Variants in CNTNAP5 observed in about 807,000 individuals in gnomAD.
CNTNAP5 encodes contactin-associated protein-like 5.
In CNTNAP5, 72 loss-of-function variants were observed where a neutral mutation model predicts 150.2. The observed-to-expected ratio is 0.48, with a 90% CI of 0.40 to 0.58. The LOEUF (loss-of-function observed/expected upper bound fraction) is 0.58, where lower values mean the gene tolerates loss of function less well. Ranked by LOEUF, CNTNAP5 falls within the 20% of genes least tolerant of loss-of-function variation. The pLI, the probability that CNTNAP5 is intolerant of heterozygous loss-of-function variation, is 0.00. For missense variants in CNTNAP5, 1,636 were observed against 1,626.2 expected (o/e 1.01, Z -0.10); for synonymous variants, 672 against 619.8 (o/e 1.08, Z -1.25).
intron 13 of CNTNAP5, among the ~76,000 whole-genome samples, chr2:124,689,923 G>C (rs1413807371): frequency 6.6e-6 from 1 of 151,982 alleles, no homozygotes; most frequent in East Asian, 1.9e-4. Flanking sequence ...AAAGGGAAAG[G>C]GGGTGTTCAG....
intron 5 of CNTNAP5, 110 bp downstream of exon 5, chr2:124,434,797 T>C: frequency 2.3e-6 from 2 of 861,242 alleles, no homozygotes; most frequent in Non-Finnish European, 3.6e-6. Context: ...TGGAGCACAA[T>C]ATAAGTGATA....
chr2:124,527,946 T>A (rs1360311543), intron 10 of CNTNAP5, among the ~76,000 whole-genome samples: 1 of 152,138 alleles, frequency 6.6e-6, no homozygotes, highest in Admixed American at 6.6e-5. Flanking sequence ...CCCCTACCAC[T>A]GCTTCTCTGG....
intron 1 of CNTNAP5, among the ~76,000 whole-genome samples, chr2:124,189,996 T>C (rs778442897): frequency 6.6e-6 from 1 of 152,178 alleles, no homozygotes; most frequent in Non-Finnish European, 1.5e-5. Flanking sequence ...TTTGCTTCTG[T>C]AAAATTGGAA....
chr2:124,227,678 G>GTGTGTGTA (rs1230347977), intron 2 of CNTNAP5, among the ~76,000 whole-genome samples: 1 of 147,706 alleles, frequency 6.8e-6, no homozygotes, highest in African/African-American at 2.5e-5. Flanking sequence ...GTGTGTGTGT[G>GTGTGTGTA]TATTAAACTT....
At chr2:124,190,158 T>G (rs1685426220) in intron 1 of CNTNAP5, among the ~76,000 whole-genome samples, 1 of 152,216 alleles carries the variant, frequency 6.6e-6, no homozygotes. Context: ...AAGGGTGAGC[T>G]TCATCTCTTT....
chr2:124,028,314 T>TTGTG (rs10678984), intron 1 of CNTNAP5, among the ~76,000 whole-genome samples: 15 of 150,730 alleles, frequency 1.0e-4, no homozygotes, highest in East Asian at 3.9e-4. Flanking sequence ...TGTGTGTGTT[T>TTGTG]TGTGTGTGTG....
At chr2:124,490,523 A>G (rs1227252734) in intron 7 of CNTNAP5, among the ~76,000 whole-genome samples, 1 of 152,124 alleles carries the variant, frequency 6.6e-6, no homozygotes, top group Admixed American at 6.6e-5. Flanking sequence ...AACAATAAAG[A>G]TCAGTATATA....
chr2:124,812,061 TAA>T (rs1167355451), intron 19 of CNTNAP5, among the ~76,000 whole-genome samples: 3,042 of 74,766 alleles, frequency 0.041, 26 homozygotes, highest in Non-Finnish European at 0.049. Flanking sequence ...ATATATTATA[TAA>T]TATATAATTT....
In CNTNAP5 at chr2:124,343,406, CT is replaced by C. The variant is rs1465729144; in HGVS notation, c.382-74032del. Among the ~76,000 whole-genome samples, 3 of 152,034 alleles carry C rather than the reference CT, an allele frequency of 2.0e-5. No individual in the cohort carries two copies. In the East Asian group the frequency reaches 5.8e-4, roughly 29 times the overall value. On this transcript the variant is annotated intron_variant, in intron 3 of 23. Transcript: ENST00000682447. ...TGGATAAGCCTCATTGGTTTAATAT[CT>C]TTTTAGGGGGAATTTTAGAGACTTT...
intron 13 of CNTNAP5, among the ~76,000 whole-genome samples, chr2:124,671,222 G>A (rs577901685): frequency 2.3e-4 from 35 of 152,298 alleles, no homozygotes; most frequent in Middle Eastern, 3.4e-3. Context: ...ATGGTGTTAA[G>A]CTAAGCATAG....
At chr2:124,178,860 T>A (rs765557035) in intron 1 of CNTNAP5, among the ~76,000 whole-genome samples, 31 of 152,182 alleles carry the variant, frequency 2.0e-4, no homozygotes, top group Non-Finnish European at 2.1e-4. Flanking sequence ...ACAGCAATAG[T>A]TTGAATATGA....
chr2:124,842,423 C>T (rs1682963642), intron 19 of CNTNAP5, among the ~76,000 whole-genome samples: 1 of 152,108 alleles, frequency 6.6e-6, no homozygotes, highest in South Asian at 2.1e-4. Context: ...AAAGAAACTC[C>T]TGATTTCATA....
intron 1 of CNTNAP5, among the ~76,000 whole-genome samples, chr2:124,200,947 A>T (rs1685713649): frequency 6.6e-6 from 1 of 152,032 alleles, no homozygotes; most frequent in Non-Finnish European, 1.5e-5. Flanking sequence ...TAAGACCCAT[A>T]TGTCCTCTGG....
chr2:124,454,557 A>G (rs1437086758), intron 6 of CNTNAP5, among the ~76,000 whole-genome samples: 1 of 152,156 alleles, frequency 6.6e-6, no homozygotes, highest in Non-Finnish European at 1.5e-5. Flanking sequence ...CTTAACAGAT[A>G]TTTACATAAC....
intron 12 of CNTNAP5, among the ~76,000 whole-genome samples, chr2:124,629,197 A>G (rs1433383629): frequency 7.9e-5 from 12 of 152,144 alleles, no homozygotes; most frequent in Admixed American, 7.2e-4. Flanking sequence ...ATGCAGCTCT[A>G]GGCCAAGTGG....
chr2:124,304,999 C>G lies in CNTNAP5; in HGVS notation c.381+62606C>G, dbSNP rs143034764. On this transcript the variant is annotated intron_variant, in intron 3 of 23. Coordinates refer to ENST00000682447, the MANE Select transcript of CNTNAP5 (RefSeq NM_001367498.1). ...TCACACTGCAGGCCACATGTGGTGG[C>G]ACACACCTGTAATCTCAGCACTCTG... 2.3e-3 allele frequency among the ~76,000 whole-genome samples: 341 copies of G among 150,858 alleles called. 1 individual carries two copies. Among genetic ancestry groups the G allele is most frequent in the African/African-American group, 8.0e-3 (330 of 41,074 alleles).
chr2:124,080,232 C>T (rs2420441), intron 1 of CNTNAP5, among the ~76,000 whole-genome samples: 57,100 of 151,988 alleles, frequency 0.38, 11,286 homozygotes, highest in Admixed American at 0.44. Context: ...AACACAGTAT[C>T]TATCAACTTA....
rs569502518 is a variant in CNTNAP5, at chr2:124,337,030, G to A, written c.382-80413G>A. On this transcript the variant is annotated intron_variant, in intron 3 of 23. Transcript: ENST00000682447. ...TTCCTATTTCTCCACATCCTCTCTA[G>A]CACCTGTTGTTTCCTGACTTTTTAA... 3.9e-5 allele frequency among the ~76,000 whole-genome samples: 6 copies of A among 152,210 alleles called. No individual in the cohort carries two copies. In the East Asian group the frequency reaches 5.8e-4, roughly 15 times the overall value.
intron 1 of CNTNAP5, among the ~76,000 whole-genome samples, chr2:124,089,009 T>C (rs1015627459): frequency 2.0e-5 from 3 of 152,182 alleles, no homozygotes; most frequent in Non-Finnish European, 1.5e-5. Context: ...ACAGGCTTGT[T>C]TTGGGGCACT....
Sources: gnomAD v4.1 joint callset for allele counts (sites outside exome capture counted in the v4.1 genomes callset) on GRCh38, gnomAD v4.1.1 for gene constraint, MANE v1.5 for transcripts, NCBI Gene and HGNC (gene_info 2026-07-23, HGNC 2026-07-21) for gene names.